CTNNA1: variants seen among roughly 807,000 people sequenced by gnomAD.
CTNNA1 encodes the protein catenin alpha 1.
In CTNNA1, 37 loss-of-function variants were observed where a neutral mutation model predicts 98.4. The ratio of observed to expected loss-of-function variants is 0.38; its 90% CI spans 0.29 to 0.49. The LOEUF (loss-of-function observed/expected upper bound fraction) is 0.49. Ranked by LOEUF, CTNNA1 falls within the 20% of genes least tolerant of loss-of-function variation. CTNNA1 has a pLI of 0.95. For missense variants in CTNNA1, 761 were observed against 1,147.2 expected, an observed-to-expected ratio of 0.66 and a Z score of 4.86; for synonymous variants, 404 against 413.2, an observed-to-expected ratio of 0.98 and a Z score of 0.27.
In CTNNA1 at chr5:138,873,391, G is replaced by A. The variant is rs555273836; in HGVS notation, c.1063-12821G>A. ...TTGGGATTTCTTTGTCTCCCACATG[G>A]TAACTTGATGAGCTTATTCTTTTTG... On this transcript the variant is annotated intron_variant, in intron 7 of 17. Coordinates refer to ENST00000302763, the MANE Select transcript of CTNNA1 (RefSeq NM_001903.5). This position sits in a 1 kb window ranked among gnomAD's most constrained non-coding sequence, Gnocchi z 6.1. 45 of 1,614,032 alleles carry A rather than the reference G, an allele frequency of 2.8e-5. No individual in the cohort carries two copies. In the South Asian group the frequency reaches 4.7e-4, roughly 17 times the overall value.
intron 3 of CTNNA1, among the ~76,000 whole-genome samples, chr5:138,801,471 A>G (rs1757568150): frequency 6.6e-6 from 1 of 152,204 alleles, no homozygotes; most frequent in Non-Finnish European, 1.5e-5. Context: ...AACAATTTTC[A>G]ATATGCTTAT....
At chr5:138,786,300 A>T (rs183461698) in intron 3 of CTNNA1, among the ~76,000 whole-genome samples, 42 of 152,362 alleles carry the variant, frequency 2.8e-4, no homozygotes, top group African/African-American at 9.1e-4. Flanking sequence ...TCTTTGGAGA[A>T]TCTTAACAAA....
At chr5:138,816,074 C>T (rs140770322) in intron 5 of CTNNA1, among the ~76,000 whole-genome samples, 6 of 152,298 alleles carry the variant, frequency 3.9e-5, no homozygotes, top group South Asian at 2.1e-4. Context: ...CCCACCTCTC[C>T]GCACTACCCT....
intron 7 of CTNNA1, among the ~76,000 whole-genome samples, chr5:138,884,802 A>T (rs1197050349): frequency 6.6e-6 from 1 of 152,170 alleles, no homozygotes; most frequent in Non-Finnish European, 1.5e-5. Flanking sequence ...AAGGGGGTCC[A>T]TTCAGTTGGT....
At chr5:138,808,309 C>T (rs1758314252) in intron 3 of CTNNA1, among the ~76,000 whole-genome samples, 1 of 152,084 alleles carries the variant, frequency 6.6e-6, no homozygotes, top group African/African-American at 2.4e-5. Flanking sequence ...CCTTGATGTG[C>T]GATGGGTGCT....
intron 9 of CTNNA1, among the ~76,000 whole-genome samples, chr5:138,888,006 A>G (rs1754464851): frequency 6.6e-6 from 1 of 152,210 alleles, no homozygotes; most frequent in South Asian, 2.1e-4. Context: ...AAGCTAACCT[A>G]ACCTTCCTCA....
At chr5:138,842,249 A>G (rs1023280249) in intron 7 of CTNNA1, among the ~76,000 whole-genome samples, 2 of 152,164 alleles carry the variant, frequency 1.3e-5, no homozygotes, top group African/African-American at 2.4e-5. Flanking sequence ...GCAGTGAGCC[A>G]TGATGGCACC....
intron 5 of CTNNA1, among the ~76,000 whole-genome samples, chr5:138,815,129 C>G (rs935289087): frequency 7.9e-5 from 12 of 152,078 alleles, no homozygotes; most frequent in Admixed American, 2.6e-4. Context: ...TTTCCAAAGC[C>G]AAATACTTCT....
At chr5:138,932,828 A>C in intron 17 of CTNNA1, 116 bp downstream of exon 17, 1 of 1,314,450 alleles carries the variant, frequency 7.6e-7, no homozygotes, top group Admixed American at 1.7e-5. Context: ...CTGTGCAGAA[A>C]CTCCAAGTCC....
At chr5:138,801,965 C>T (rs1418903970) in intron 3 of CTNNA1, among the ~76,000 whole-genome samples, 2 of 152,132 alleles carry the variant, frequency 1.3e-5, no homozygotes, top group Non-Finnish European at 2.9e-5. Context: ...GTTGTGATGT[C>T]CAAGAGAATG....
chr5:138,909,240 G>T (rs895098528), intron 10 of CTNNA1, among the ~76,000 whole-genome samples: 1 of 151,942 alleles, frequency 6.6e-6, no homozygotes, highest in African/African-American at 2.4e-5. Flanking sequence ...TACAAATCTG[G>T]CACTTAAATA....
chr5:138,824,431 A>T, intron 5 of CTNNA1, 99 bp from the exon 6 acceptor site: 1 of 1,268,522 alleles, frequency 7.9e-7, no homozygotes, highest in Non-Finnish European at 1.1e-6. Flanking sequence ...GTGTCTAATT[A>T]ATAGAAATTC....
At chr5:138,813,904 C>T (rs560548983) in intron 5 of CTNNA1, among the ~76,000 whole-genome samples, 2 of 152,296 alleles carry the variant, frequency 1.3e-5, no homozygotes, top group South Asian at 2.1e-4. Context: ...AGGCATGAGC[C>T]ACTGTGGCTA....
chr5:138,797,548 T>C (rs2149695485), intron 3 of CTNNA1, among the ~76,000 whole-genome samples: 1 of 152,308 alleles, frequency 6.6e-6, no homozygotes, highest in South Asian at 2.1e-4. Flanking sequence ...GGCAAAAATA[T>C]TTTTTCTGGA....
chr5:138,838,055 C>T (rs767693736), intron 7 of CTNNA1, among the ~76,000 whole-genome samples: 1 of 152,176 alleles, frequency 6.6e-6, no homozygotes, highest in Non-Finnish European at 1.5e-5. Flanking sequence ...TGTGCACTGC[C>T]ATGTCTGGCT....
At chr5:138,817,279 C>G (rs1275712256) in intron 5 of CTNNA1, among the ~76,000 whole-genome samples, 1 of 152,178 alleles carries the variant, frequency 6.6e-6, no homozygotes, top group Non-Finnish European at 1.5e-5. Context: ...TGGGAATTCC[C>G]TTTTATGTGA....
intron 3 of CTNNA1, among the ~76,000 whole-genome samples, chr5:138,804,954 GTACAGAAAGCA>G (rs1421975263): frequency 1.3e-5 from 2 of 152,212 alleles, no homozygotes; most frequent in Non-Finnish European, 2.9e-5. Flanking sequence ...TCTGGAGGCT[GTACAGAAAGCA>G]TAGTGTCTTC....
intron 7 of CTNNA1, among the ~76,000 whole-genome samples, chr5:138,856,989 A>G (rs758763135): frequency 6.6e-6 from 1 of 152,206 alleles, no homozygotes; most frequent in Non-Finnish European, 1.5e-5. Flanking sequence ...TGGTGAATGA[A>G]TGATTTCTCT....
At chr5:138,904,661 G>A (rs1758785318) in intron 10 of CTNNA1, 1 of 564,634 alleles carries the variant, frequency 1.8e-6, no homozygotes, top group Admixed American at 3.4e-5. Context: ...GCCCTTCATT[G>A]AAAATGCACA....
Sources: gnomAD v4.1 joint callset for allele counts (sites outside exome capture counted in the v4.1 genomes callset) on GRCh38, gnomAD v4.1.1 for gene constraint, Gnocchi (gnomAD v3.1) non-coding constraint, MANE v1.5 for transcripts, NCBI Gene and HGNC (gene_info 2026-07-23, HGNC 2026-07-21) for gene names.